Variants in ACAT2 observed in about 807,000 individuals in gnomAD.
The protein encoded by ACAT2 is acetyl-CoA acetyltransferase, cytosolic.
Under a neutral mutation model 37.1 loss-of-function variants are expected in ACAT2, and 26 were observed. The observed-to-expected ratio is 0.70, with a 90% CI of 0.51 to 0.97. ACAT2 has a LOEUF of 0.97. Among genes scored for constraint, ACAT2 ranks in the 50% least tolerant of loss-of-function variants. ACAT2 has a pLI of 0.00. For synonymous variants in ACAT2, 156 were observed against 163.6 expected, an observed-to-expected ratio of 0.95 and a Z score of 0.35; for missense variants, 468 against 489.0, an observed-to-expected ratio of 0.96 and a Z score of 0.40.
chr6:159,775,067 A>G, intron 4 of ACAT2, 103 bp from the exon 5 acceptor site: 1 of 1,309,612 alleles, frequency 7.6e-7, no homozygotes, highest in Non-Finnish European at 1.1e-6. Flanking sequence ...TGAGCCTGCT[A>G]GCATATGTGG....
rs1780178518 is a variant in ACAT2, at chr6:159,762,974, C to T, written c.111C>T (p.Val37=). The T allele has an allele frequency of 1.2e-6, 2 of 1,614,152 alleles. No homozygotes were observed. The highest frequency in any genetic ancestry group is 1.3e-5 in the African/African-American group (1 of 75,046). ...CTGTCCAGGACCTGGGCTCCACTGT[C>T]ATCAAAGAAGTCTTGAAGAGGGCCA... ...AVPVQDLGST[V]IKEVLKRATV... The change falls in exon 2 of 9, where the codon GTC becomes GTT. Residue 37 remains valine, a synonymous_variant. Coordinates refer to ENST00000367048, the MANE Select transcript of ACAT2 (RefSeq NM_005891.3).
Position 159,765,814 on chromosome 6 carries a change from T to G in ACAT2, c.191-1191T>G, listed in dbSNP as rs553620997. Among the ~76,000 whole-genome samples the G allele has an allele frequency of 4.6e-5, 7 of 152,304 alleles. No homozygotes were observed. The South Asian group carries it at 1.2e-3, about 27-fold the overall frequency. On this transcript the variant is annotated intron_variant, in intron 2 of 8. Coordinates refer to ENST00000367048, the MANE Select transcript of ACAT2 (RefSeq NM_005891.3). ...TTTCAGTCTCAAGTAACCTTACCCG[T>G]TTTTAGTTTCCAGCCTAATCCCAGA...
rs41292464 is a variant in ACAT2, at chr6:159,767,504, T to C, written c.372+318T>C. On this transcript the variant is annotated intron_variant, in intron 3 of 8. Coordinates refer to ENST00000367048, the MANE Select transcript of ACAT2 (RefSeq NM_005891.3). Reference sequence around the variant, plus strand: ...TCCTTGGTTTTAAATTTCTTTCCCATTGTGAGTAAAAGGCAAAAAACAGAT... The same window carrying C: ...TCCTTGGTTTTAAATTTCTTTCCCACTGTGAGTAAAAGGCAAAAAACAGAT... Among the ~76,000 whole-genome samples the C allele has an allele frequency of 5.7e-3, 863 of 152,340 alleles. 11 individuals are homozygous for C. Among genetic ancestry groups the C allele is most frequent in the African/African-American group, 0.02 (825 of 41,572 alleles).
At chr6:159,775,644 C>G (rs902722162) in intron 5 of ACAT2, 1 of 242,774 alleles carries the variant, frequency 4.1e-6, no homozygotes, top group East Asian at 9.4e-5. Context: ...TCAACCTCCT[C>G]AGAAGTGGAC....
At chr6:159,765,490 C>T (rs1020970007) in intron 2 of ACAT2, among the ~76,000 whole-genome samples, 12 of 151,668 alleles carry the variant, frequency 7.9e-5, no homozygotes, top group African/African-American at 2.2e-4. Flanking sequence ...GGAGTGCAGC[C>T]GTACAATCTC....
chr6:159,763,151 C>T (rs1374825151), intron 2 of ACAT2, 98 bp downstream of exon 2: 8 of 1,480,836 alleles, frequency 5.4e-6, no homozygotes. Flanking sequence ...CACTCTCTCA[C>T]TCACTCAAGT....
At chr6:159,773,390 C>T (rs1199093095) in intron 4 of ACAT2, among the ~76,000 whole-genome samples, 6 of 152,250 alleles carry the variant, frequency 3.9e-5, no homozygotes, top group Non-Finnish European at 8.8e-5. Context: ...CTTCTAAATA[C>T]ATTTATCCAC....
At chr6:159,777,216 C>G in intron 6 of ACAT2, 86 bp from the exon 7 acceptor site, 1 of 1,419,670 alleles carries the variant, frequency 7.0e-7, no homozygotes, top group East Asian at 2.3e-5. Flanking sequence ...AATCATTTAA[C>G]TCATGTCTTC....
rs1233116793 is a variant in ACAT2, at chr6:159,763,845, T to C, written c.190+792T>C. Among the ~76,000 whole-genome samples the C allele has an allele frequency of 4.6e-5, 7 of 151,796 alleles. No homozygotes were observed. In the East Asian group the frequency reaches 1.4e-3, roughly 30 times the overall value. On this transcript the variant is annotated intron_variant, in intron 2 of 8. Transcript: ENST00000367048. ...GGCCGGGCCCGGTGGCTCACGCCTG[T>C]AATCCCAGCACTCTGGGAGGCCGAG...
intron 4 of ACAT2, among the ~76,000 whole-genome samples, chr6:159,769,319 C>A (rs1225555838): frequency 6.6e-6 from 1 of 152,192 alleles, no homozygotes; most frequent in South Asian, 2.1e-4. Context: ...TCTCGACTTA[C>A]AGCCACAACA....
At chr6:159,762,286 C>T (rs1378496593) in intron 1 of ACAT2, 144 bp downstream of exon 1, 3 of 1,249,720 alleles carry the variant, frequency 2.4e-6, no homozygotes, top group African/African-American at 3.0e-5. Flanking sequence ...ATCCCTGGAA[C>T]CCTGCGGCTC....
chr6:159,775,132 G>T, intron 4 of ACAT2, 38 bp from the exon 5 acceptor site: 2 of 1,609,586 alleles, frequency 1.2e-6, no homozygotes, highest in Non-Finnish European at 1.7e-6. Flanking sequence ...GCCAGTTCAT[G>T]AAAATGTTAG....
intron 2 of ACAT2, among the ~76,000 whole-genome samples, chr6:159,765,796 C>T (rs979986411): frequency 1.3e-5 from 2 of 152,120 alleles, no homozygotes; most frequent in Non-Finnish European, 2.9e-5. Context: ...TGTTTTCAGT[C>T]TCAAGTAACC....
chr6:159,777,497 T>C lies in ACAT2; in HGVS notation c.912+41T>C, dbSNP rs758928754. 1.9e-6 allele frequency: 3 copies of C among 1,582,610 alleles called. No individual in the cohort carries two copies. In the East Asian group the frequency reaches 6.8e-5, roughly 36 times the overall value. ...TTCCCTTTTATGAAATTTGTCTTCC[T>C]GTTAGCCTTAAGTGAGCTTATTCAT... is the stretch of plus-strand genomic sequence containing the variant. On this transcript the variant is annotated intron_variant, in intron 7 of 8. Transcript: ENST00000367048.
In ACAT2 at chr6:159,778,151, C is replaced by T; in HGVS notation, c.913-19C>T. 6.4e-7 allele frequency: 1 copy of T among 1,560,366 alleles called. No homozygotes were observed. Among genetic ancestry groups the T allele is most frequent in the Admixed American group, 1.7e-5 (1 of 57,814 alleles). ...TTCCACCCAAGTTTAGACCTCTTTT[C>T]TATGAATCTTTCCTCTAGGTTACAA... On this transcript the variant is annotated intron_variant, in intron 7 of 8. Coordinates refer to ENST00000367048, the MANE Select transcript of ACAT2 (RefSeq NM_005891.3).
chr6:159,777,611 C>T (rs1390451847), intron 7 of ACAT2, among the ~76,000 whole-genome samples, 155 bp downstream of exon 7: 1 of 152,216 alleles, frequency 6.6e-6, no homozygotes, highest in Non-Finnish European at 1.5e-5. Context: ...GTTGTCCAGG[C>T]TGGAGTGCAG....
At chr6:159,767,236 T>G in intron 3 of ACAT2, 50 bp downstream of exon 3, 1 of 1,588,072 alleles carries the variant, frequency 6.3e-7, no homozygotes, top group Non-Finnish European at 8.6e-7. Flanking sequence ...ACTGAGAAAC[T>G]CATGTCTATG....
chr6:159,763,175 C>A, intron 2 of ACAT2, 122 bp downstream of exon 2: 1 of 1,377,338 alleles, frequency 7.3e-7, no homozygotes, highest in Non-Finnish European at 9.7e-7. Flanking sequence ...TGCCTCCTTG[C>A]TTTTGCTCAG....
chr6:159,768,310 G>A (rs573527458), intron 3 of ACAT2, among the ~76,000 whole-genome samples: 39 of 152,228 alleles, frequency 2.6e-4, no homozygotes, highest in Non-Finnish European at 4.3e-4. Context: ...GAGAGTAATC[G>A]TTCCCAACAA....
Sources: allele counts gnomAD v4.1 joint callset (sites outside exome capture counted in the v4.1 genomes callset), GRCh38; gene constraint gnomAD v4.1.1; transcripts MANE v1.5; gene names NCBI Gene and HGNC (gene_info 2026-07-23, HGNC 2026-07-21).